The following NCKAP5 variants were observed in gnomAD, a reference collection of about 807,000 sequenced individuals.
NCKAP5 encodes NCK associated protein 5.
In NCKAP5, 92 loss-of-function variants were observed where a neutral mutation model predicts 167.0. That is an observed-to-expected ratio of 0.55 (90% CI 0.47 to 0.66). The LOEUF is 0.66. Ranked by LOEUF, NCKAP5 falls within the 30% of genes least tolerant of loss-of-function variation. The pLI is 0.00. For synonymous variants in NCKAP5, 891 were observed against 877.4 expected, an observed-to-expected ratio of 1.02 and a Z score of -0.27; for missense variants, 2,378 against 2,315.0, an observed-to-expected ratio of 1.03 and a Z score of -0.56.
rs991023960 is a variant in NCKAP5 at position 132,878,659 on chromosome 2, C to T, written c.648+189G>A. On this transcript the variant is annotated intron_variant, in intron 9 of 19. Transcript: ENST00000409261. ...ACACACACACACACACACACACGCA[C>T]GCATACACACACACACACCGCCCAC... Among the ~76,000 whole-genome samples, 25 of 141,864 alleles carry T rather than the reference C, an allele frequency of 1.8e-4. 1 individual carries two copies. The highest frequency in any genetic ancestry group is 9.3e-4 in the South Asian group (4 of 4,312). 93.1% of individuals were successfully genotyped at this position (141,864 alleles called of 152,430 possible).
chr2:132,801,676 C>A (rs1361096273), intron 11 of NCKAP5, among the ~76,000 whole-genome samples: 1 of 152,178 alleles, frequency 6.6e-6, no homozygotes, highest in East Asian at 1.9e-4. Context: ...CTGGCAATGC[C>A]AGGGTAGTCA....
At chr2:132,716,253 C>T (rs183372892) in intron 19 of NCKAP5, among the ~76,000 whole-genome samples, 12 of 152,244 alleles carry the variant, frequency 7.9e-5, no homozygotes, top group Non-Finnish European at 1.2e-4. Context: ...GCAGAAATGT[C>T]AGTTGTCTTG....
chr2:133,496,966 A>C (rs1327708395), intron 3 of NCKAP5, among the ~76,000 whole-genome samples: 1 of 152,230 alleles, frequency 6.6e-6, no homozygotes, highest in Non-Finnish European at 1.5e-5. Flanking sequence ...CTAACAAAGC[A>C]ACACAGATGA....
intron 4 of NCKAP5, among the ~76,000 whole-genome samples, chr2:133,292,916 T>TCGTCATCC (rs2150523303): frequency 6.6e-6 from 1 of 152,338 alleles, no homozygotes; most frequent in African/African-American, 2.4e-5. Flanking sequence ...CCTGAATTTC[T>TCGTCATCC]CGTCATCCTC....
chr2:132,820,133 T>C (rs1227646688), intron 11 of NCKAP5, among the ~76,000 whole-genome samples: 1 of 152,232 alleles, frequency 6.6e-6, no homozygotes, highest in African/African-American at 2.4e-5. Context: ...ATGAAAGCTT[T>C]ATATTTTATT....
intron 8 of NCKAP5, among the ~76,000 whole-genome samples, chr2:132,913,515 C>T (rs984780051): frequency 6.6e-6 from 1 of 152,084 alleles, no homozygotes; most frequent in East Asian, 1.9e-4. Flanking sequence ...ATGCCTGCTA[C>T]CTAGTTAGCT....
At chr2:133,567,677 G>C (rs1688655928) in intron 1 of NCKAP5, among the ~76,000 whole-genome samples, 2 of 151,344 alleles carry the variant, frequency 1.3e-5, no homozygotes, top group Admixed American at 6.6e-5. Context: ...GTGTGTGTGT[G>C]TGTGTGTGTG....
intron 11 of NCKAP5, among the ~76,000 whole-genome samples, chr2:132,854,760 C>G (rs374838446): frequency 3.9e-5 from 6 of 152,282 alleles, no homozygotes; most frequent in African/African-American, 1.4e-4. Context: ...ATGGACTCCT[C>G]AGCACTGACA....
chr2:133,668,591 G>A, the NCKAP5 span, among the ~76,000 whole-genome samples: 1 of 151,840 alleles, frequency 6.6e-6, no homozygotes, highest in African/African-American at 2.4e-5. Context: ...CTTCTTTTGA[G>A]AAATGAATAT....
chr2:132,878,961 T>C (rs756435874), intron 8 of NCKAP5, 45 bp from the exon 9 acceptor site: 2 of 1,468,834 alleles, frequency 1.4e-6, no homozygotes, highest in African/African-American at 2.8e-5. Flanking sequence ...AATGAAATGT[T>C]GTGTTATGTG....
At chr2:133,112,783 C>A (rs1388072152) in intron 6 of NCKAP5, among the ~76,000 whole-genome samples, 1 of 152,164 alleles carries the variant, frequency 6.6e-6, no homozygotes, top group Non-Finnish European at 1.5e-5. Context: ...CAGAACTACC[C>A]TATAATTTGC....
At chr2:133,592,140 C>T in the NCKAP5 span, among the ~76,000 whole-genome samples, 1 of 152,130 alleles carries the variant, frequency 6.6e-6, no homozygotes, top group African/African-American at 2.4e-5. Context: ...TCAGGACATA[C>T]TATCTGCGTA....
At chr2:132,780,949 T>C (rs2105015009) in intron 15 of NCKAP5, 103 bp downstream of exon 15, 1 of 1,153,950 alleles carries the variant, frequency 8.7e-7, no homozygotes, top group Non-Finnish European at 1.2e-6. Context: ...TTTCCCCCAG[T>C]TGCAATCTCT....
intron 8 of NCKAP5, among the ~76,000 whole-genome samples, chr2:132,882,732 A>C (rs1394635912): frequency 6.6e-6 from 1 of 152,186 alleles, no homozygotes; most frequent in African/African-American, 2.4e-5. Flanking sequence ...TGTTTTTTAG[A>C]ATACATAAAA....
chr2:132,784,403 A>AT lies in NCKAP5; in HGVS notation c.2407dup (p.Ile803AsnfsTer32). On this transcript the variant is annotated frameshift_variant, in exon 14 of 20. Coordinates refer to ENST00000409261, the MANE Select transcript of NCKAP5 (RefSeq NM_207363.3). LOFTEE classifies it high-confidence loss of function. ...AGGTGAAGACTTGCCCCTGGGAGGTATTTTTGTCAGATTTTGCTTTTGATA... is the reference window on the plus strand; with the variant it reads ...AGGTGAAGACTTGCCCCTGGGAGGTATTTTTTGTCAGATTTTGCTTTTGATA... 6.2e-7 allele frequency: 1 copy of AT among 1,613,148 alleles called. No homozygotes were observed. The highest frequency in any genetic ancestry group is 8.5e-7 in the Non-Finnish European group (1 of 1,179,656).
chr2:133,022,914 T>C (rs2078575320), intron 6 of NCKAP5, among the ~76,000 whole-genome samples: 3 of 152,226 alleles, frequency 2.0e-5, no homozygotes, highest in Non-Finnish European at 4.4e-5. Flanking sequence ...CTGGCTCACT[T>C]TGATGAGGCA....
chr2:133,546,849 T>G (rs1686729188), intron 2 of NCKAP5, among the ~76,000 whole-genome samples: 1 of 152,192 alleles, frequency 6.6e-6, no homozygotes, highest in Admixed American at 6.5e-5. Context: ...TGTCCAATGC[T>G]TCAAAAGATT....
chr2:132,983,908 C>A lies in NCKAP5; in HGVS notation c.429+10244G>T, dbSNP rs370364030. 8.5e-5 allele frequency among the ~76,000 whole-genome samples: 13 copies of A among 152,322 alleles called. No homozygotes were observed. The East Asian group carries it at 2.5e-3, about 29-fold the overall frequency. The stretch of plus-strand genomic sequence containing the variant: ...AGTGGAAGAAGAAACACCCTTTGAA[C>A]TTCCATTGAGCATCCACATTCTCCC... On this transcript the variant is annotated intron_variant, in intron 7 of 19. Coordinates refer to ENST00000409261, the MANE Select transcript of NCKAP5 (RefSeq NM_207363.3).
chr2:132,860,752 C>T (rs536438446), intron 10 of NCKAP5, 141 bp from the exon 11 acceptor site: 36 of 1,126,482 alleles, frequency 3.2e-5, no homozygotes, highest in African/African-American at 2.2e-4. Flanking sequence ...AAATCACATA[C>T]GTTTTCGTCC....
Sources: allele counts gnomAD v4.1 joint callset (sites outside exome capture counted in the v4.1 genomes callset), GRCh38; gene constraint gnomAD v4.1.1; transcripts MANE v1.5; gene names NCBI Gene and HGNC (gene_info 2026-07-23, HGNC 2026-07-21).